Variants in GHR observed in about 807,000 individuals in gnomAD.
GHR encodes the protein GH receptor.
In GHR, 35 loss-of-function variants were observed where a neutral mutation model predicts 67.1. That is an observed-to-expected ratio of 0.52 (90% CI 0.40 to 0.69). GHR has a LOEUF of 0.69. Ranked by LOEUF, GHR falls within the 30% of genes least tolerant of loss-of-function variation. GHR has a pLI of 0.00. For synonymous variants in GHR, 272 were observed against 269.1 expected (o/e 1.01, Z -0.10); for missense variants, 792 against 764.6 (o/e 1.04, Z -0.42).
intron 1 of GHR, among the ~76,000 whole-genome samples, chr5:42,505,072 C>T (rs1746702523): frequency 6.6e-6 from 1 of 150,410 alleles, no homozygotes; most frequent in African/African-American, 2.4e-5. Flanking sequence ...GCCTCTTAGG[C>T]TTGCCCTGTC....
At chr5:42,476,918 C>T (rs1284489443) in intron 1 of GHR, among the ~76,000 whole-genome samples, 1 of 151,954 alleles carries the variant, frequency 6.6e-6, no homozygotes, top group Non-Finnish European at 1.5e-5. Flanking sequence ...TTTTAGTGTA[C>T]ATGTGCACAA....
intron 2 of GHR, among the ~76,000 whole-genome samples, chr5:42,568,273 T>C (rs1387119001): frequency 2.6e-5 from 4 of 152,200 alleles, no homozygotes; most frequent in Non-Finnish European, 4.4e-5. Flanking sequence ...TAATGAGAAC[T>C]AAATTTGAAC....
chr5:42,701,650 A>G (rs1006858449), intron 6 of GHR, among the ~76,000 whole-genome samples: 1 of 152,176 alleles, frequency 6.6e-6, no homozygotes, highest in African/African-American at 2.4e-5. Flanking sequence ...CAATGGAAAA[A>G]ATTTGACTTT....
chr5:42,579,894 C>T (rs1370852003), intron 2 of GHR, among the ~76,000 whole-genome samples: 1 of 151,546 alleles, frequency 6.6e-6, no homozygotes, highest in African/African-American at 2.4e-5. Flanking sequence ...TTTAAAATAA[C>T]CATGCCATGC....
chr5:42,472,971 T>C lies in GHR; in HGVS notation c.-12+49016T>C, dbSNP rs36097246. Among the ~76,000 whole-genome samples, 24 of 152,312 alleles carry C rather than the reference T, an allele frequency of 1.6e-4. No homozygotes were observed. The South Asian group carries it at 4.8e-3, about 30-fold the overall frequency. On this transcript the variant is annotated intron_variant, in intron 1 of 9. Coordinates refer to ENST00000230882, the MANE Select transcript of GHR (RefSeq NM_000163.5). ...AGTCAGTGTATGCCTTAAGATTGGG[T>C]GAATTGCTATGACAGAATGAGATTT...
chr5:42,483,631 G>A (rs565232141), intron 1 of GHR, among the ~76,000 whole-genome samples: 9 of 152,216 alleles, frequency 5.9e-5, no homozygotes, highest in African/African-American at 1.2e-4. Context: ...TAGTTAACAC[G>A]TTAGGGGAGG....
intron 1 of GHR, among the ~76,000 whole-genome samples, chr5:42,552,945 T>C (rs1749113882): frequency 1.3e-5 from 2 of 152,236 alleles, no homozygotes; most frequent in South Asian, 4.1e-4. Context: ...TATCGTTAAC[T>C]GATGGAACTA....
At chr5:42,673,203 A>G (rs970783965) in intron 3 of GHR, among the ~76,000 whole-genome samples, 2 of 152,208 alleles carry the variant, frequency 1.3e-5, no homozygotes, top group Non-Finnish European at 2.9e-5. Flanking sequence ...CAAAACCACA[A>G]TAATATGCTA....
At chr5:42,627,942 T>C (rs968804327) in intron 2 of GHR, among the ~76,000 whole-genome samples, 2 of 152,150 alleles carry the variant, frequency 1.3e-5, no homozygotes, top group South Asian at 4.1e-4. Context: ...CAAGGTTTTA[T>C]TGAGTAGTGG....
At chr5:42,447,316 TG>T (rs902161277) in intron 1 of GHR, among the ~76,000 whole-genome samples, 7 of 152,122 alleles carry the variant, frequency 4.6e-5, no homozygotes, top group South Asian at 4.1e-4. Flanking sequence ...CTCCCTGAGT[TG>T]CCAAAGTCTA....
chr5:42,458,668 C>T lies in GHR; in HGVS notation c.-12+34713C>T, dbSNP rs2940915. ...GGAAACAGATTAAACTAAAGAGCTT[C>T]TGCACAGCAAAAGAACTATCAACAG... On this transcript the variant is annotated intron_variant, in intron 1 of 9. Transcript: ENST00000230882. Among the ~76,000 whole-genome samples the T allele has an allele frequency of 1.7e-4, 26 of 152,274 alleles. No individual in the cohort carries two copies. The East Asian group carries it at 4.4e-3, about 26-fold the overall frequency.
At chr5:42,491,593 A>G (rs950788748) in intron 1 of GHR, among the ~76,000 whole-genome samples, 16 of 152,370 alleles carry the variant, frequency 1.1e-4, no homozygotes, top group African/African-American at 3.8e-4. Flanking sequence ...ACTACAAGGT[A>G]GCTATTTTTC....
chr5:42,560,319 G>A lies in GHR; in HGVS notation c.-11-5545G>A, dbSNP rs141888176. ...AGCGATTCTCCTGCCTCAGTCTCCC[G>A]ATCAGCTGGGACTACAGGTGTGCGC... On this transcript the variant is annotated intron_variant, in intron 1 of 9. Coordinates refer to ENST00000230882, the MANE Select transcript of GHR (RefSeq NM_000163.5). 5.8e-3 allele frequency among the ~76,000 whole-genome samples: 888 copies of A among 152,112 alleles called. 19 individuals are homozygous for A. The highest frequency in any genetic ancestry group is 0.047 in the East Asian group (245 of 5,162).
At chr5:42,478,453 G>T (rs1745447261) in intron 1 of GHR, among the ~76,000 whole-genome samples, 1 of 152,038 alleles carries the variant, frequency 6.6e-6, no homozygotes. Context: ...GGATGGCATT[G>T]AATCTATAAA....
chr5:42,467,939 A>G (rs1744809347), intron 1 of GHR: 1 of 720,018 alleles, frequency 1.4e-6, no homozygotes, highest in Admixed American at 2.4e-5. Flanking sequence ...ATTCACTATG[A>G]CTTATCTGAA....
chr5:42,699,774 A>T, intron 5 of GHR, 50 bp from the exon 6 acceptor site: 1 of 1,158,468 alleles, frequency 8.6e-7, no homozygotes, highest in Non-Finnish European at 1.3e-6. Context: ...GCCTTCCATT[A>T]ATATTAAATT....
At chr5:42,497,979 C>CATTATGCCATA (rs1443261348) in intron 1 of GHR, among the ~76,000 whole-genome samples, 1 of 152,122 alleles carries the variant, frequency 6.6e-6, no homozygotes, top group Non-Finnish European at 1.5e-5. Flanking sequence ...TTCACTTTTC[C>CATTATGCCATA]ATTTTGCCAT....
chr5:42,469,440 C>CTGGAGA lies in GHR; in HGVS notation c.-12+45487_-12+45488insGAGATG, dbSNP rs529695082. Among the ~76,000 whole-genome samples the CTGGAGA allele has an allele frequency of 7.4e-3, 1,131 of 152,322 alleles. 13 individuals carry two copies. The highest frequency in any genetic ancestry group is 0.026 in the African/African-American group (1,083 of 41,558). ...TATTCCACTTTGACAGAACAGTCTACTGTCTGCCTCAGCCTATCCTGGAGA... is the reference window on the plus strand; with the variant it reads ...TATTCCACTTTGACAGAACAGTCTACTGGAGATGTCTGCCTCAGCCTATCCTGGAGA... On this transcript the variant is annotated intron_variant, in intron 1 of 9. Coordinates refer to ENST00000230882, the MANE Select transcript of GHR (RefSeq NM_000163.5).
chr5:42,576,125 A>AAATAAAATAC (rs1561135985), intron 2 of GHR, among the ~76,000 whole-genome samples: 3 of 98,354 alleles, frequency 3.1e-5, no homozygotes, highest in Non-Finnish European at 6.6e-5. Flanking sequence ...AAATAAAATA[A>AAATAAAATAC]AATAAAATAA....
Sources: gnomAD v4.1 joint callset for allele counts (sites outside exome capture counted in the v4.1 genomes callset) on GRCh38, gnomAD v4.1.1 for gene constraint, MANE v1.5 for transcripts, NCBI Gene and HGNC (gene_info 2026-07-23, HGNC 2026-07-21) for gene names.